MAMLD1: variants seen among roughly 807,000 people sequenced by gnomAD.
MAMLD1 encodes mastermind-like domain-containing protein 1.
Under a neutral mutation model 45.0 loss-of-function variants are expected in MAMLD1, and 14 were observed. The ratio of observed to expected loss-of-function variants is 0.31; its 90% CI spans 0.21 to 0.49. The LOEUF (loss-of-function observed/expected upper bound fraction) is 0.49, where lower values mean the gene tolerates loss of function less well. Among genes scored for constraint, MAMLD1 ranks in the 20% least tolerant of loss-of-function variants. MAMLD1 has a pLI of 0.99. For synonymous variants in MAMLD1, 254 were observed against 247.8 expected, an observed-to-expected ratio of 1.02 and a Z score of -0.24; for missense variants, 543 against 603.6, an observed-to-expected ratio of 0.90 and a Z score of 1.05.
intron 1 of MAMLD1, among the ~76,000 whole-genome samples, chrX:150,364,015 C>T (rs782438139): frequency 1.1e-4 from 12 of 113,191 alleles, no homozygotes; most frequent in Admixed American, 1.8e-4. Context: ...ACGCTGTTTG[C>T]CGCCTCTGAG....
At position 150,470,378 on chromosome X, in the gene MAMLD1, A is replaced by G. The variant is rs868948114; in HGVS notation, c.805A>G (p.Lys269Glu). 5.0e-6 allele frequency: 6 copies of G among 1,209,414 alleles called. No homozygotes were observed. In the African/African-American group the frequency reaches 1.0e-4, roughly 21 times the overall value. Residue 269 changes from lysine (K) to glutamate (E), a missense_variant, in exon 4 of 8, where the codon AAG (lysine) becomes GAG (glutamate). By Grantham distance (56) the Lys-to-Glu change is moderately conservative. Transcript: ENST00000370401. ...CAGCTATTCGATTCCTTCCACCAGT[A>G]AGCAGATAGTGTCACCGAGTTCTTC... ...GISYSIPSTS[K>E]QIVSPSSSMA... is the part of the protein sequence containing the mutation.
At chrX:150,429,296 T>G (rs1449270007) in intron 1 of MAMLD1, among the ~76,000 whole-genome samples, 1 of 108,156 alleles carries the variant, frequency 9.2e-6, no homozygotes, top group Admixed American at 9.8e-5. Context: ...TGGGAATTGG[T>G]TTTTTTTTAA....
intron 1 of MAMLD1, among the ~76,000 whole-genome samples, chrX:150,392,912 A>G (rs903025462): frequency 9.0e-6 from 1 of 110,877 alleles, no homozygotes; most frequent in African/African-American, 3.3e-5. Flanking sequence ...ATCCTGTATC[A>G]GAATAACACA....
Position 150,471,434 on chromosome X carries a change from C to A in MAMLD1, c.1861C>A (p.Pro621Thr). Residue 621 changes from proline to threonine, a missense_variant, in exon 4 of 8, where the codon CCC (proline) becomes ACC (threonine). Pro to Thr is a conservative substitution (Grantham distance 38). Coordinates refer to ENST00000370401, the MANE Select transcript of MAMLD1 (RefSeq NM_005491.5). ...CCTTCTGCAGCAGATGATGCAGCAA[C>A]CCCAGCGTTTTCAGCGATCAGTGGC... Reference protein sequence around the residue: ...SFLLQQMMQQPQRFQRSVASD... With the variant: ...SFLLQQMMQQTQRFQRSVASD... The A allele has an allele frequency of 8.3e-7, 1 of 1,211,843 alleles. No individual in the cohort carries two copies. Among genetic ancestry groups the A allele is most frequent in the Non-Finnish European group, 1.1e-6 (1 of 895,250 alleles).
At chrX:150,424,304 T>C (rs2034628589) in intron 1 of MAMLD1, among the ~76,000 whole-genome samples, 1 of 112,655 alleles carries the variant, frequency 8.9e-6, no homozygotes, top group Non-Finnish European at 1.9e-5. Flanking sequence ...AGCTGATTCA[T>C]CACTGGGTAG....
intron 1 of MAMLD1, among the ~76,000 whole-genome samples, chrX:150,398,317 GAAGAAGAA>G (rs2033566819): frequency 6.2e-5 from 6 of 97,448 alleles, no homozygotes; most frequent in African/African-American, 2.3e-4. Flanking sequence ...AGAAGAAGAA[GAAGAAGAA>G]GAAGAAGAAG....
chrX:150,411,780 C>T (rs369491843), intron 1 of MAMLD1, among the ~76,000 whole-genome samples: 10 of 111,249 alleles, frequency 9.0e-5, no homozygotes, highest in East Asian at 8.5e-4. Context: ...CTTGCTTCCC[C>T]GGTCCCAGCA....
intron 5 of MAMLD1, among the ~76,000 whole-genome samples, chrX:150,497,492 C>A (rs2037423263): frequency 9.2e-6 from 1 of 108,786 alleles, no homozygotes; most frequent in Admixed American, 9.9e-5. Flanking sequence ...ACCATGTCAG[C>A]CAGGCTGGTC....
At chrX:150,378,794 C>T (rs1603217492) in intron 1 of MAMLD1, among the ~76,000 whole-genome samples, 1 of 111,513 alleles carries the variant, frequency 9.0e-6, no homozygotes, top group South Asian at 3.8e-4. Context: ...CGTGGGAACT[C>T]CTTCAAACTA....
At chrX:150,397,168 A>T (rs944016207) in intron 1 of MAMLD1, among the ~76,000 whole-genome samples, 2 of 112,222 alleles carry the variant, frequency 1.8e-5, no homozygotes, top group South Asian at 3.7e-4. Context: ...CAGAACCAGA[A>T]GTGACCTATA....
At chrX:150,390,475 A>C (rs1413892233) in intron 1 of MAMLD1, among the ~76,000 whole-genome samples, 1 of 111,781 alleles carries the variant, frequency 8.9e-6, no homozygotes, top group African/African-American at 3.3e-5. Context: ...ACATTGTATA[A>C]TTTTCTTAGC....
At chrX:150,448,225 A>T (rs1406509208) in intron 2 of MAMLD1, among the ~76,000 whole-genome samples, 1 of 112,001 alleles carries the variant, frequency 8.9e-6, no homozygotes, top group East Asian at 2.8e-4. Flanking sequence ...GTTCAAATGA[A>T]CGAAAAGTAA....
rs782063322 is a variant in MAMLD1, at chrX:150,443,964, C to T, written c.-63-1490C>T. Reference sequence around the variant, plus strand: ...TCTGACAAGTGCTTTGCTACTGAAACTTGGGCATTTTGGATATTGCATTAT... The same window carrying T: ...TCTGACAAGTGCTTTGCTACTGAAATTTGGGCATTTTGGATATTGCATTAT... On this transcript the variant is annotated intron_variant, in intron 1 of 7. Coordinates refer to ENST00000370401, the MANE Select transcript of MAMLD1 (RefSeq NM_005491.5). Among the ~76,000 whole-genome samples, 5 of 112,375 alleles carry T rather than the reference C, an allele frequency of 4.4e-5. No homozygotes were observed. The East Asian group carries it at 1.4e-3, about 32-fold the overall frequency.
rs1409902804 is a variant in MAMLD1 at position 150,512,370 on chromosome X, G to T, written c.*411G>T. The stretch of plus-strand genomic sequence containing the variant: ...CAGTCCTTGAGTCCCCACCAGCTCA[G>T]ACGGCCTAGTGTGCCAAGAATGCCC... On this transcript the variant is annotated 3_prime_UTR_variant, in exon 8 of 8. Transcript: ENST00000370401. The T allele has an allele frequency of 3.5e-6, 4 of 1,138,200 alleles. No individual in the cohort carries two copies. The Admixed American group carries it at 1.1e-4, about 30-fold the overall frequency. 93.8% of individuals were successfully genotyped at this position (1,138,200 alleles called of 1,213,427 possible).
intron 1 of MAMLD1, among the ~76,000 whole-genome samples, chrX:150,422,019 G>A (rs1356949236): frequency 4.5e-5 from 5 of 112,326 alleles, no homozygotes; most frequent in African/African-American, 1.6e-4. Flanking sequence ...GATGATGCCA[G>A]CTGGCAAGCC....
At chrX:150,450,791 C>T (rs967864925) in intron 2 of MAMLD1, among the ~76,000 whole-genome samples, 6 of 111,956 alleles carry the variant, frequency 5.4e-5, no homozygotes, top group Admixed American at 2.8e-4. Context: ...CATCAGCAGC[C>T]CCACTACACT....
At chrX:150,437,077 A>G (rs1363608675) in intron 1 of MAMLD1, among the ~76,000 whole-genome samples, 1 of 111,037 alleles carries the variant, frequency 9.0e-6, no homozygotes, top group African/African-American at 3.3e-5. Flanking sequence ...TGGCCCTTCA[A>G]GGTTAGAAAC....
chrX:150,405,869 G>A (rs918154054), intron 1 of MAMLD1, among the ~76,000 whole-genome samples: 1 of 110,444 alleles, frequency 9.1e-6, no homozygotes, highest in Non-Finnish European at 1.9e-5. Context: ...CTGTCAAAGT[G>A]GGGGAGCAAA....
At chrX:150,432,073 T>C (rs1459945037) in intron 1 of MAMLD1, among the ~76,000 whole-genome samples, 1 of 107,461 alleles carries the variant, frequency 9.3e-6, no homozygotes, top group Non-Finnish European at 1.9e-5. Context: ...ATCCCCTTTC[T>C]CCACAACCTC....
Sources: allele counts gnomAD v4.1 joint callset (sites outside exome capture counted in the v4.1 genomes callset), GRCh38; gene constraint gnomAD v4.1.1; transcripts MANE v1.5; gene names NCBI Gene and HGNC (gene_info 2026-07-23, HGNC 2026-07-21).